AGAP1: variants seen among roughly 807,000 people sequenced by gnomAD.
AGAP1 encodes arf-GAP with GTPase, ANK repeat and PH domain-containing protein 1.
A neutral mutation model predicts 105.3 loss-of-function variants in AGAP1; 29 were observed. That is an observed-to-expected ratio of 0.28 (90% confidence interval 0.21 to 0.38). AGAP1 has a LOEUF of 0.38. AGAP1 is among the 10% of genes least tolerant of loss of function. AGAP1 has a pLI of 1.00. For missense variants in AGAP1, 998 were observed against 1,165.1 expected (o/e 0.86, Z 2.09); for synonymous variants, 509 against 485.9 (o/e 1.05, Z -0.63).
chr2:235,748,643 G>T (rs940391315), intron 5 of AGAP1, among the ~76,000 whole-genome samples: 4 of 152,082 alleles, frequency 2.6e-5, no homozygotes, highest in Non-Finnish European at 4.4e-5. Context: ...ATTTCATAGG[G>T]CTAAGAAAAT....
rs1437176529 is a variant in AGAP1 at position 235,633,374 on chromosome 2, A to G, written c.164-75805A>G. On this transcript the variant is annotated intron_variant, in intron 1 of 17. Transcript: ENST00000304032. The surrounding 1 kb of genome is among the most constrained non-coding windows in gnomAD (Gnocchi z 4.8). ...TTTGGGAGGCCAAGGTGGGTGGATC[A>G]CCTGAGGTCAGGAGTTCAAGACCAG... Among the ~76,000 whole-genome samples the G allele has an allele frequency of 6.6e-6, 1 of 152,050 alleles. No homozygotes were observed. Among genetic ancestry groups the G allele is most frequent in the Non-Finnish European group, 1.5e-5 (1 of 68,016 alleles).
chr2:235,839,421 G>A (rs761659146), intron 9 of AGAP1, among the ~76,000 whole-genome samples: 2 of 152,186 alleles, frequency 1.3e-5, no homozygotes, highest in Non-Finnish European at 2.9e-5. Flanking sequence ...CCATTTAAAG[G>A]TGTTCATCAG....
chr2:236,081,711 T>A (rs913326897), intron 16 of AGAP1, among the ~76,000 whole-genome samples: 1 of 151,244 alleles, frequency 6.6e-6, no homozygotes, highest in Non-Finnish European at 1.5e-5. Flanking sequence ...TATAAAATAC[T>A]TTTTTTCTTT....
At chr2:236,122,959 A>C (rs1002506485) in intron 17 of AGAP1, among the ~76,000 whole-genome samples, 10 of 152,204 alleles carry the variant, frequency 6.6e-5, no homozygotes, top group Non-Finnish European at 1.3e-4. Flanking sequence ...CTGGGATTCC[A>C]GGCATGAGCC....
At chr2:235,685,577 A>G (rs951828050) in intron 1 of AGAP1, among the ~76,000 whole-genome samples, 8 of 151,938 alleles carry the variant, frequency 5.3e-5, no homozygotes, top group African/African-American at 1.9e-4. Context: ...CTCCACGCGT[A>G]TACAGGGTGC....
chr2:235,925,644 G>A (rs776011769), intron 11 of AGAP1, among the ~76,000 whole-genome samples: 3 of 152,216 alleles, frequency 2.0e-5, no homozygotes, highest in Non-Finnish European at 4.4e-5. Flanking sequence ...GTGTGAAAAT[G>A]TGATTTAACT....
rs905041503 is a variant in AGAP1 at position 235,733,776 on chromosome 2, C to T, written c.311-7187C>T. Among the ~76,000 whole-genome samples, 10 of 152,030 alleles carry T rather than the reference C, an allele frequency of 6.6e-5. No individual in the cohort carries two copies. Among genetic ancestry groups the T allele is most frequent in the Admixed American group, 1.3e-4 (2 of 15,258 alleles). Reference sequence around the variant, plus strand: ...GGAAATAGTCAGCAGTCGCCACATGCAGGGTCCTCACTCACTGCTGGTACC... The same window carrying T: ...GGAAATAGTCAGCAGTCGCCACATGTAGGGTCCTCACTCACTGCTGGTACC... On this transcript the variant is annotated intron_variant, in intron 3 of 17. Coordinates refer to ENST00000304032, the MANE Select transcript of AGAP1 (RefSeq NM_001037131.3). The surrounding 1 kb of genome is among the most constrained non-coding windows in gnomAD (Gnocchi z 5.0).
Position 235,610,298 on chromosome 2 carries a change from T to G in AGAP1, c.164-98881T>G, listed in dbSNP as rs1946083273. On this transcript the variant is annotated intron_variant, in intron 1 of 17. Coordinates refer to ENST00000304032, the MANE Select transcript of AGAP1 (RefSeq NM_001037131.3). This position sits in a 1 kb window ranked among gnomAD's most constrained non-coding sequence, Gnocchi z 4.9. ...CTTATGATACCTCGTCATCTTGGAGTCCACCGTGCACTTGTCCGCTTGGGC... is the reference window on the plus strand; with the variant it reads ...CTTATGATACCTCGTCATCTTGGAGGCCACCGTGCACTTGTCCGCTTGGGC... 6.6e-6 allele frequency among the ~76,000 whole-genome samples: 1 copy of G among 152,074 alleles called. No homozygotes were observed. The highest frequency in any genetic ancestry group is 1.5e-5 in the Non-Finnish European group (1 of 68,018).
At chr2:236,118,723 A>G (rs2059831386) in intron 16 of AGAP1, among the ~76,000 whole-genome samples, 1 of 152,114 alleles carries the variant, frequency 6.6e-6, no homozygotes, top group Admixed American at 6.6e-5. Context: ...AAAGGCAGGC[A>G]GGGAGCACTT....
At chr2:236,081,454 T>G (rs1394615246) in intron 16 of AGAP1, among the ~76,000 whole-genome samples, 2 of 152,198 alleles carry the variant, frequency 1.3e-5, no homozygotes, top group Non-Finnish European at 2.9e-5. Flanking sequence ...CAGTGTGTCC[T>G]CCACCCGACT....
At chr2:236,117,641 G>A (rs2059802761) in intron 16 of AGAP1, among the ~76,000 whole-genome samples, 1 of 152,208 alleles carries the variant, frequency 6.6e-6, no homozygotes, top group Non-Finnish European at 1.5e-5. Context: ...GGATTTTAAT[G>A]TCTACCAAAA....
chr2:235,771,206 G>T (rs920961110), intron 6 of AGAP1, among the ~76,000 whole-genome samples: 5 of 152,224 alleles, frequency 3.3e-5, no homozygotes, highest in African/African-American at 7.2e-5. Flanking sequence ...TTAAGTTTCT[G>T]TTGGGCCACT....
chr2:235,851,038 G>A (rs2048421292), intron 9 of AGAP1, among the ~76,000 whole-genome samples: 1 of 152,246 alleles, frequency 6.6e-6, no homozygotes, highest in Non-Finnish European at 1.5e-5. Context: ...GGCTGTTCAT[G>A]GGGTTGGTGT....
chr2:235,558,091 G>A (rs1383376817), intron 1 of AGAP1, among the ~76,000 whole-genome samples: 1 of 152,170 alleles, frequency 6.6e-6, no homozygotes, highest in Non-Finnish European at 1.5e-5. Flanking sequence ...ATGGCGAGTA[G>A]GAGGCTGGCG....
Position 235,601,730 on chromosome 2 carries a change from A to T in AGAP1, c.163+106881A>T, listed in dbSNP as rs1056744132. ...CGTGGAGCCAGGTGTGGTGGCTCAC[A>T]CTTGTAATCTCAGTGCTGAGGCGGG... On this transcript the variant is annotated intron_variant, in intron 1 of 17. Coordinates refer to ENST00000304032, the MANE Select transcript of AGAP1 (RefSeq NM_001037131.3). This position sits in a 1 kb window ranked among gnomAD's most constrained non-coding sequence, Gnocchi z 4.4. Among the ~76,000 whole-genome samples the T allele has an allele frequency of 1.3e-5, 2 of 152,160 alleles. No homozygotes were observed. Among genetic ancestry groups the T allele is most frequent in the African/African-American group, 4.8e-5 (2 of 41,446 alleles).
In AGAP1 at chr2:235,962,125, G is replaced by GC. The variant is rs2054217419; in HGVS notation, c.1484-6337_1484-6336insC. Among the ~76,000 whole-genome samples, 1 of 152,172 alleles carries GC rather than the reference G, an allele frequency of 6.6e-6. No homozygotes were observed. Among genetic ancestry groups the GC allele is most frequent in the Admixed American group, 6.5e-5 (1 of 15,272 alleles). ...GTGAGGTCATCGTGAGGATGGTGTG[G>GC]GGCGTGGGGTGTTTGAAGCGGGAGG... On this transcript the variant is annotated intron_variant, in intron 12 of 17. Coordinates refer to ENST00000304032, the MANE Select transcript of AGAP1 (RefSeq NM_001037131.3). This position sits in a 1 kb window ranked among gnomAD's most constrained non-coding sequence, Gnocchi z 5.3.
intron 12 of AGAP1, among the ~76,000 whole-genome samples, chr2:235,932,863 G>A (rs1445165346): frequency 1.3e-5 from 2 of 152,222 alleles, no homozygotes; most frequent in East Asian, 1.9e-4. Context: ...ATGGAAGTGG[G>A]CTGCATTGTC....
chr2:235,670,662 A>AGGCCGC (rs1456833279), intron 1 of AGAP1: 2 of 650,710 alleles, frequency 3.1e-6, no homozygotes, highest in Admixed American at 2.3e-5. Flanking sequence ...CCGTGCGACG[A>AGGCCGC]GGCCGCGGCC....
intron 16 of AGAP1, among the ~76,000 whole-genome samples, chr2:236,077,323 C>CT (rs552986627): frequency 0.22 from 29,904 of 136,460 alleles, 3,554 homozygotes; most frequent in East Asian, 0.35. Flanking sequence ...ATGTATGTCT[C>CT]TTTTTTTTTT....
Sources: gnomAD v4.1 joint callset for allele counts (sites outside exome capture counted in the v4.1 genomes callset) on GRCh38, gnomAD v4.1.1 for gene constraint, Gnocchi (gnomAD v3.1) non-coding constraint, MANE v1.5 for transcripts, NCBI Gene and HGNC (gene_info 2026-07-23, HGNC 2026-07-21) for gene names.